Variants in LRRC7 observed in about 807,000 individuals in gnomAD.
The protein encoded by LRRC7 is leucine rich repeat containing 7.
Under a neutral mutation model 175.7 loss-of-function variants are expected in LRRC7, and 23 were observed. That is an observed-to-expected ratio of 0.13 (90% CI 0.09 to 0.19). The LOEUF (loss-of-function observed/expected upper bound fraction) is 0.19, where lower values mean the gene tolerates loss of function less well. LRRC7 is among the 10% of genes least tolerant of loss of function. LRRC7 has a pLI of 1.00. For synonymous variants in LRRC7, 685 were observed against 680.9 expected, an observed-to-expected ratio of 1.01 and a Z score of -0.09; for missense variants, 1,354 against 1,904.7, an observed-to-expected ratio of 0.71 and a Z score of 5.38.
chr1:69,735,920 G>A (rs892669625), intron 2 of LRRC7, among the ~76,000 whole-genome samples: 2 of 151,196 alleles, frequency 1.3e-5, no homozygotes, highest in Non-Finnish European at 2.9e-5. Flanking sequence ...ATCACTATTG[G>A]GTCATGAATT....
intron 7 of LRRC7, among the ~76,000 whole-genome samples, chr1:69,907,472 G>A (rs962837896): frequency 4.6e-5 from 7 of 150,696 alleles, no homozygotes; most frequent in African/African-American, 1.7e-4. Flanking sequence ...TAGCATGAAG[G>A]GTTGTTGAAT....
In LRRC7 at chr1:69,567,950, A is replaced by T. The variant is rs1416834367; in HGVS notation, c.-690A>T. Among the ~76,000 whole-genome samples, 2 of 151,812 alleles carry T rather than the reference A, an allele frequency of 1.3e-5. No individual in the cohort carries two copies. Among genetic ancestry groups the T allele is most frequent in the African/African-American group, 2.4e-5 (1 of 41,354 alleles). On this transcript the variant is annotated 5_prime_UTR_variant, in exon 1 of 27. Coordinates refer to ENST00000651989, the MANE Select transcript of LRRC7 (RefSeq NM_001370785.2). ...AATCCTGGCACCTGTGCGCCGAGCC[A>T]CTGCACCGAGGAGGACCCTACTCCG...
intron 8 of LRRC7, among the ~76,000 whole-genome samples, chr1:69,946,089 A>C (rs1409797897): frequency 6.6e-6 from 1 of 152,140 alleles, no homozygotes; most frequent in Non-Finnish European, 1.5e-5. Context: ...TTCAGTGTCG[A>C]GCATGATGTT....
At chr1:69,841,940 T>C (rs1681778706) in intron 7 of LRRC7, among the ~76,000 whole-genome samples, 1 of 152,148 alleles carries the variant, frequency 6.6e-6, no homozygotes, top group Non-Finnish European at 1.5e-5. Flanking sequence ...GACAAATGAT[T>C]GAGCTTTCTC....
intron 7 of LRRC7, among the ~76,000 whole-genome samples, chr1:69,887,090 T>C (rs4390128): frequency 0.41 from 57,486 of 139,442 alleles, 12,834 homozygotes; most frequent in East Asian, 0.55. Flanking sequence ...CTGACAATTA[T>C]GTGTCTTGGA....
chr1:70,120,994 T>C (rs984819648), intron 26 of LRRC7, among the ~76,000 whole-genome samples: 12 of 152,020 alleles, frequency 7.9e-5, no homozygotes, highest in African/African-American at 2.7e-4. Context: ...CAGAGACCCA[T>C]AGCACTCAAT....
At chr1:70,047,405 A>G (rs1660410966) in intron 22 of LRRC7, among the ~76,000 whole-genome samples, 1 of 152,170 alleles carries the variant, frequency 6.6e-6, no homozygotes, top group African/African-American at 2.4e-5. Flanking sequence ...CGAAGGAAAC[A>G]TGTATCCCCA....
At chr1:69,708,363 A>C (rs1000791950) in intron 2 of LRRC7, among the ~76,000 whole-genome samples, 2 of 151,862 alleles carry the variant, frequency 1.3e-5, no homozygotes, top group Non-Finnish European at 2.9e-5. Flanking sequence ...CTATTACTGA[A>C]ACCCCCTCCT....
intron 11 of LRRC7, among the ~76,000 whole-genome samples, chr1:70,004,768 C>T (rs1655849625): frequency 6.6e-6 from 1 of 151,534 alleles, no homozygotes. Flanking sequence ...TCTCCCTCTT[C>T]CTCCTTCCCT....
chr1:69,800,507 T>A (rs1676346063), intron 4 of LRRC7, among the ~76,000 whole-genome samples: 1 of 152,008 alleles, frequency 6.6e-6, no homozygotes, highest in Admixed American at 6.6e-5. Context: ...GCAGCTATTG[T>A]AAATGGGATT....
At chr1:69,793,466 T>C (rs1357035389) in intron 4 of LRRC7, among the ~76,000 whole-genome samples, 2 of 152,084 alleles carry the variant, frequency 1.3e-5, no homozygotes, top group African/African-American at 4.8e-5. Context: ...TCAGTAGCCT[T>C]GTCTCTGTTC....
intron 8 of LRRC7, among the ~76,000 whole-genome samples, chr1:69,977,192 C>G (rs1652903496): frequency 1.3e-5 from 2 of 152,152 alleles, no homozygotes; most frequent in Non-Finnish European, 2.9e-5. Flanking sequence ...GAAGCAGCTG[C>G]TTTTTATTCC....
At chr1:69,774,307 A>G (rs1163781629) in intron 3 of LRRC7, among the ~76,000 whole-genome samples, 1 of 152,170 alleles carries the variant, frequency 6.6e-6, no homozygotes, top group Non-Finnish European at 1.5e-5. Flanking sequence ...TAGAAATATA[A>G]TTGCTTGACA....
rs1421828613 is a variant in LRRC7 at position 70,126,617 on chromosome 1, T to C, written c.*4730T>C. ...TATTTCCCATCACCCACCAACACCATACCCAAAGAATACATTATAGCAAGA... is the reference window on the plus strand; with the variant it reads ...TATTTCCCATCACCCACCAACACCACACCCAAAGAATACATTATAGCAAGA... On this transcript the variant is annotated 3_prime_UTR_variant, in exon 27 of 27. Coordinates refer to ENST00000651989, the MANE Select transcript of LRRC7 (RefSeq NM_001370785.2). 2.0e-5 allele frequency among the ~76,000 whole-genome samples: 3 copies of C among 152,068 alleles called. No individual in the cohort carries two copies. Among genetic ancestry groups the C allele is most frequent in the African/African-American group, 7.2e-5 (3 of 41,404 alleles).
chr1:69,807,967 C>T (rs913805325), intron 4 of LRRC7, among the ~76,000 whole-genome samples: 5 of 151,878 alleles, frequency 3.3e-5, no homozygotes, highest in African/African-American at 9.7e-5. Flanking sequence ...TTCACATAGT[C>T]CCATATTTCT....
chr1:70,108,956 T>C (rs1398617195), intron 26 of LRRC7, among the ~76,000 whole-genome samples: 1 of 152,198 alleles, frequency 6.6e-6, no homozygotes, highest in Non-Finnish European at 1.5e-5. Flanking sequence ...GAAATGTTTT[T>C]TGGTTTTTTT....
chr1:69,818,749 G>T (rs1204655184), intron 4 of LRRC7, among the ~76,000 whole-genome samples: 1 of 152,000 alleles, frequency 6.6e-6, no homozygotes, highest in Non-Finnish European at 1.5e-5. Context: ...ATTGTTGGGA[G>T]ATTTCTGTTT....
chr1:69,675,190 A>G (rs570730301), intron 1 of LRRC7, among the ~76,000 whole-genome samples: 12 of 152,176 alleles, frequency 7.9e-5, no homozygotes, highest in Non-Finnish European at 1.6e-4. Flanking sequence ...ATATCTGCTC[A>G]TGAGTATTCC....
chr1:69,598,363 A>G (rs1646923190), intron 1 of LRRC7, among the ~76,000 whole-genome samples: 1 of 152,172 alleles, frequency 6.6e-6, no homozygotes, highest in African/African-American at 2.4e-5. Flanking sequence ...TGCCTGATAT[A>G]TGAATATATA....
Sources: allele counts gnomAD v4.1 joint callset (sites outside exome capture counted in the v4.1 genomes callset), GRCh38; gene constraint gnomAD v4.1.1; transcripts MANE v1.5; gene names NCBI Gene and HGNC (gene_info 2026-07-23, HGNC 2026-07-21).